SNCAIP: variants seen among roughly 807,000 people sequenced by gnomAD.
SNCAIP encodes the protein synphilin-1.
SNCAIP carries 43 observed loss-of-function variants against 86.7 expected under a neutral mutation model. The ratio of observed to expected loss-of-function variants is 0.50; its 90% confidence interval spans 0.39 to 0.64. SNCAIP has a LOEUF of 0.64. Among genes scored for constraint, SNCAIP ranks in the 30% least tolerant of loss-of-function variants. The pLI is 0.00. For synonymous variants in SNCAIP, 417 were observed against 427.2 expected (o/e 0.98, Z 0.29); for missense variants, 981 against 1,103.1 (o/e 0.89, Z 1.57).
chr5:122,443,997 C>A, intron 7 of SNCAIP: 3 of 446,116 alleles, frequency 6.7e-6, no homozygotes, highest in Non-Finnish European at 1.4e-5. Flanking sequence ...CCTGCTCAAT[C>A]CACAGACATG....
intron 2 of SNCAIP, among the ~76,000 whole-genome samples, chr5:122,402,241 G>T (rs895139319): frequency 6.6e-6 from 1 of 152,106 alleles, no homozygotes; most frequent in Non-Finnish European, 1.5e-5. Flanking sequence ...TCCTTAGAGA[G>T]CTTGTACTTG....
chr5:122,330,139 T>TTTTTTTTTTTTTTTTTTTTTTTTTGG (rs60571600), intron 1 of SNCAIP, among the ~76,000 whole-genome samples: 1 of 140,590 alleles, frequency 7.1e-6, no homozygotes, highest in African/African-American at 2.6e-5. Context: ...TTTTTTTTTT[T>TTTTTTTTTTTTTTTTTTTTTTTTTGG]GAGACGGAGT....
chr5:122,420,675 T>A (rs182217576), intron 3 of SNCAIP, among the ~76,000 whole-genome samples: 5 of 152,212 alleles, frequency 3.3e-5, no homozygotes, highest in Non-Finnish European at 1.5e-5. Flanking sequence ...ATGTCCACTA[T>A]CTGCTGTTTT....
chr5:122,447,650 G>A (rs1782620510), intron 8 of SNCAIP, among the ~76,000 whole-genome samples: 2 of 152,232 alleles, frequency 1.3e-5, no homozygotes, highest in Non-Finnish European at 2.9e-5. Flanking sequence ...AGTGGGAAAA[G>A]TAGAATGCTT....
intron 1 of SNCAIP, among the ~76,000 whole-genome samples, chr5:122,328,379 C>T (rs539790809): frequency 2.4e-4 from 36 of 152,342 alleles, no homozygotes; most frequent in Middle Eastern, 6.8e-3. Flanking sequence ...TCATTACCTT[C>T]CCTTCAAAAT....
chr5:122,409,836 C>G (rs1773760327), intron 3 of SNCAIP, among the ~76,000 whole-genome samples: 1 of 152,100 alleles, frequency 6.6e-6, no homozygotes, highest in South Asian at 2.1e-4. Flanking sequence ...ATATATAAAC[C>G]TCCTGTTTTC....
chr5:122,453,115 A>G, intron 10 of SNCAIP: 1 of 597,402 alleles, frequency 1.7e-6, no homozygotes. Flanking sequence ...GGAAGAAGAA[A>G]ATTACAACTA....
intron 1 of SNCAIP, among the ~76,000 whole-genome samples, chr5:122,346,370 T>A (rs941206646): frequency 7.9e-5 from 12 of 152,126 alleles, no homozygotes; most frequent in Non-Finnish European, 1.2e-4. Context: ...GGGACTTTTT[T>A]AAAAAACTCA....
At chr5:122,362,541 T>A (rs963851703) in intron 1 of SNCAIP, among the ~76,000 whole-genome samples, 2 of 152,138 alleles carry the variant, frequency 1.3e-5, no homozygotes, top group African/African-American at 2.4e-5. Context: ...TTGTAGTGGA[T>A]AAGAACAAGG....
chr5:122,348,816 GT>G, intron 1 of SNCAIP, among the ~76,000 whole-genome samples: 1 of 152,188 alleles, frequency 6.6e-6, no homozygotes, highest in East Asian at 1.9e-4. Flanking sequence ...AATTGATGAC[GT>G]TTTTGAGTAT....
At chr5:122,398,826 G>C (rs934560849) in intron 2 of SNCAIP, among the ~76,000 whole-genome samples, 11 of 152,116 alleles carry the variant, frequency 7.2e-5, no homozygotes, top group African/African-American at 2.7e-4. Flanking sequence ...AACAATATCT[G>C]GGGTGGTCAG....
At chr5:122,421,093 A>C (rs183147411) in intron 3 of SNCAIP, among the ~76,000 whole-genome samples, 1 of 152,362 alleles carries the variant, frequency 6.6e-6, no homozygotes, top group Non-Finnish European at 1.5e-5. Context: ...TAAAGCCAGC[A>C]AAAGGGAAGA....
chr5:122,459,375 T>C (rs1248723685), intron 10 of SNCAIP, among the ~76,000 whole-genome samples: 1 of 152,214 alleles, frequency 6.6e-6, no homozygotes, highest in Non-Finnish European at 1.5e-5. Context: ...AAAACTGTTA[T>C]TTAAATTTAA....
chr5:122,412,239 C>CA (rs1336095444), intron 3 of SNCAIP, among the ~76,000 whole-genome samples: 4 of 152,150 alleles, frequency 2.6e-5, no homozygotes, highest in Admixed American at 1.3e-4. Flanking sequence ...TCCTCCTTGC[C>CA]AACCCTCCAT....
chr5:122,361,205 T>C (rs1762144428), intron 1 of SNCAIP, among the ~76,000 whole-genome samples: 1 of 151,996 alleles, frequency 6.6e-6, no homozygotes, highest in Non-Finnish European at 1.5e-5. Flanking sequence ...TCTTTGGGCT[T>C]TATCAGCTTA....
chr5:122,440,756 T>C lies in SNCAIP; in HGVS notation c.1422+2T>C, dbSNP rs760257663. 2 of 1,613,686 alleles carry C rather than the reference T, an allele frequency of 1.2e-6. No individual in the cohort carries two copies. Among genetic ancestry groups the C allele is most frequent in the Non-Finnish European group, 1.7e-6 (2 of 1,179,686 alleles). ...CATGGCTACCTTGGATGCATACAGGTACACAGGCCCTGCTGTTTTGCAATG... is the reference window on the plus strand; with the variant it reads ...CATGGCTACCTTGGATGCATACAGGCACACAGGCCCTGCTGTTTTGCAATG... On this transcript the variant is annotated splice_donor_variant, in intron 7 of 10. Coordinates refer to ENST00000261368, the MANE Select transcript of SNCAIP (RefSeq NM_005460.4). LOFTEE classifies it high-confidence loss of function.
At chr5:122,349,168 C>T (rs935152919) in intron 1 of SNCAIP, among the ~76,000 whole-genome samples, 1 of 152,046 alleles carries the variant, frequency 6.6e-6, no homozygotes, top group Non-Finnish European at 1.5e-5. Context: ...TCGTTTAAAC[C>T]ACAAATTATT....
intron 1 of SNCAIP, among the ~76,000 whole-genome samples, chr5:122,358,109 C>A (rs980467607): frequency 1.3e-5 from 2 of 151,632 alleles, no homozygotes; most frequent in Admixed American, 6.6e-5. Context: ...ACCTTCCATA[C>A]CCCTAAACAG....
rs62381690 is a variant in SNCAIP at position 122,416,334 on chromosome 5, T to A, written c.131-6534T>A. On this transcript the variant is annotated intron_variant, in intron 3 of 10. Coordinates refer to ENST00000261368, the MANE Select transcript of SNCAIP (RefSeq NM_005460.4). ...TGACGCTTTCCCCACAGTGTTTTAA[T>A]GCCCTAATGTGGATAGATCGTTGGC... Among the ~76,000 whole-genome samples, 292 of 152,316 alleles carry A rather than the reference T, an allele frequency of 1.9e-3. 1 individual carries two copies. The highest frequency in any genetic ancestry group is 3.4e-3 in the Non-Finnish European group (228 of 68,024).
Sources: gnomAD v4.1 joint callset for allele counts (sites outside exome capture counted in the v4.1 genomes callset) on GRCh38, gnomAD v4.1.1 for gene constraint, MANE v1.5 for transcripts, NCBI Gene and HGNC (gene_info 2026-07-23, HGNC 2026-07-21) for gene names.